NIPAL2: variants seen among roughly 807,000 people sequenced by gnomAD.
NIPAL2 encodes NIPA like domain containing 2.
NIPAL2 carries 43 observed loss-of-function variants against 48.9 expected under a neutral mutation model. That is an observed-to-expected ratio of 0.88 (90% confidence interval 0.69 to 1.13). NIPAL2 has a LOEUF of 1.13. NIPAL2 is among the 50% of genes most tolerant of loss of function. The pLI is 0.00. For synonymous variants in NIPAL2, 167 were observed against 174.6 expected, an observed-to-expected ratio of 0.96 and a Z score of 0.34; for missense variants, 446 against 461.4, an observed-to-expected ratio of 0.97 and a Z score of 0.31.
At chr8:98,242,343 G>A (rs1291657609) in intron 3 of NIPAL2, among the ~76,000 whole-genome samples, 1 of 151,666 alleles carries the variant, frequency 6.6e-6, no homozygotes, top group Admixed American at 6.6e-5. Context: ...GTACTAACAC[G>A]CCTGGCTAGT....
At chr8:98,193,854 A>G (rs1810415723) in intron 10 of NIPAL2, among the ~76,000 whole-genome samples, 1 of 152,084 alleles carries the variant, frequency 6.6e-6, no homozygotes, top group African/African-American at 2.4e-5. Flanking sequence ...ACCTCTAACC[A>G]TATAAGGCTT....
chr8:98,272,616 C>CT (rs1222984441), intron 1 of NIPAL2, among the ~76,000 whole-genome samples: 2,751 of 140,462 alleles, frequency 0.02, 51 homozygotes, highest in African/African-American at 0.046. Flanking sequence ...TGTGTGCTAT[C>CT]TTTTTTTTTT....
intron 8 of NIPAL2, among the ~76,000 whole-genome samples, chr8:98,196,792 C>T (rs976446895): frequency 2.0e-5 from 3 of 152,190 alleles, no homozygotes; most frequent in Non-Finnish European, 4.4e-5. Flanking sequence ...GTCTGCTGTG[C>T]GTCAGCCACT....
chr8:98,230,329 T>G (rs1438433610), intron 4 of NIPAL2, among the ~76,000 whole-genome samples: 2 of 152,184 alleles, frequency 1.3e-5, no homozygotes, highest in African/African-American at 4.8e-5. Context: ...TTTTCTGGCC[T>G]TAAGTTTCCT....
chr8:98,244,209 A>G (rs1813143895), intron 3 of NIPAL2, among the ~76,000 whole-genome samples: 1 of 149,362 alleles, frequency 6.7e-6, no homozygotes, highest in Non-Finnish European at 1.5e-5. Context: ...AGACAAAAAA[A>G]AAAATGAGGG....
intron 1 of NIPAL2, among the ~76,000 whole-genome samples, chr8:98,256,184 C>A (rs1237763963): frequency 3.9e-5 from 6 of 152,094 alleles, no homozygotes; most frequent in Admixed American, 1.3e-4. Context: ...CCACCACACC[C>A]AGCAAATTTT....
intron 5 of NIPAL2, among the ~76,000 whole-genome samples, chr8:98,221,150 AT>A (rs1811848429): frequency 6.6e-6 from 1 of 151,184 alleles, no homozygotes; most frequent in South Asian, 2.1e-4. Context: ...TAATTTTTGT[AT>A]TTTTAGTAGA....
At chr8:98,250,948 A>G (rs1271157200) in intron 3 of NIPAL2, among the ~76,000 whole-genome samples, 2 of 152,114 alleles carry the variant, frequency 1.3e-5, no homozygotes, top group African/African-American at 4.8e-5. Flanking sequence ...TTCAGGCCCC[A>G]TGAGGTCTGG....
intron 3 of NIPAL2, among the ~76,000 whole-genome samples, chr8:98,238,069 T>A (rs1321996336): frequency 6.6e-6 from 1 of 152,206 alleles, no homozygotes; most frequent in Non-Finnish European, 1.5e-5. Flanking sequence ...ACTACTGGAC[T>A]CTCTCCCTCA....
intron 4 of NIPAL2, among the ~76,000 whole-genome samples, chr8:98,228,370 G>C (rs1275901518): frequency 6.6e-6 from 1 of 152,160 alleles, no homozygotes; most frequent in African/African-American, 2.4e-5. Context: ...TCACCAACAT[G>C]TTCCTCACCC....
Position 98,234,173 on chromosome 8 carries a change from C to A in NIPAL2, c.436+1982G>T, listed in dbSNP as rs1353338274. 3.3e-5 allele frequency among the ~76,000 whole-genome samples: 5 copies of A among 151,918 alleles called. No individual in the cohort carries two copies. The South Asian group carries it at 8.3e-4, about 25-fold the overall frequency. ...CCCCTACAATGAAGAATGATCTGGC[C>A]CCAAATGTCAGCAATGCTGATTCAG... is the stretch of plus-strand genomic sequence containing the variant. On this transcript the variant is annotated intron_variant, in intron 4 of 10. Coordinates refer to ENST00000430223, the MANE Select transcript of NIPAL2 (RefSeq NM_001321635.2).
intron 1 of NIPAL2, among the ~76,000 whole-genome samples, chr8:98,285,787 G>A (rs1816120757): frequency 6.6e-6 from 1 of 151,836 alleles, no homozygotes; most frequent in South Asian, 2.1e-4. Context: ...AGCATTCATG[G>A]TAGGGAAGCC....
intron 1 of NIPAL2, among the ~76,000 whole-genome samples, chr8:98,267,775 A>T (rs1365186716): frequency 6.6e-6 from 1 of 152,174 alleles, no homozygotes; most frequent in Non-Finnish European, 1.5e-5. Flanking sequence ...ATTTACTCAT[A>T]TTTCAAAGTG....
At chr8:98,231,746 G>A (rs993832754) in intron 4 of NIPAL2, 2 of 152,166 alleles carry the variant, frequency 1.3e-5, no homozygotes, top group Non-Finnish European at 2.9e-5. Flanking sequence ...GACTAGTGAT[G>A]AAAAGCTTCA....
intron 1 of NIPAL2, among the ~76,000 whole-genome samples, chr8:98,263,133 G>C (rs1814466918): frequency 7.1e-6 from 1 of 140,948 alleles, no homozygotes; most frequent in South Asian, 2.7e-4. Flanking sequence ...AAAGCAGTGT[G>C]TAGAGGGAAA....
intron 1 of NIPAL2, among the ~76,000 whole-genome samples, chr8:98,272,355 G>C (rs1815188417): frequency 6.6e-6 from 1 of 152,122 alleles, no homozygotes; most frequent in Non-Finnish European, 1.5e-5. Flanking sequence ...AATGGAACTG[G>C]ATAAGACTGT....
At chr8:98,279,807 T>C (rs1790111943) in intron 1 of NIPAL2, among the ~76,000 whole-genome samples, 1 of 152,188 alleles carries the variant, frequency 6.6e-6, no homozygotes, top group South Asian at 2.1e-4. Context: ...AATAATGTAG[T>C]TATAAGTAGA....
At chr8:98,222,681 G>T (rs956484860) in intron 4 of NIPAL2, 81 bp from the exon 5 acceptor site, 11 of 1,399,638 alleles carry the variant, frequency 7.9e-6, no homozygotes, top group Non-Finnish European at 1.1e-5. Context: ...TAGAGACTGC[G>T]CATTACTTGT....
At chr8:98,276,584 G>C (rs1346382948) in intron 1 of NIPAL2, among the ~76,000 whole-genome samples, 1 of 152,088 alleles carries the variant, frequency 6.6e-6, no homozygotes, top group African/African-American at 2.4e-5. Context: ...AAATACCAAG[G>C]TTGCTGAATT....
Sources: gnomAD v4.1 joint callset for allele counts (sites outside exome capture counted in the v4.1 genomes callset) on GRCh38, gnomAD v4.1.1 for gene constraint, MANE v1.5 for transcripts, NCBI Gene and HGNC (gene_info 2026-07-23, HGNC 2026-07-21) for gene names.